Variants in TMEM245 observed in about 807,000 individuals in gnomAD.
TMEM245 encodes transmembrane protein 245, also known as protein CG-2.
TMEM245 carries 69 observed loss-of-function variants against 101.2 expected under a neutral mutation model. The ratio of observed to expected loss-of-function variants is 0.68; its 90% CI spans 0.56 to 0.83. The LOEUF (loss-of-function observed/expected upper bound fraction) is 0.83, where lower values mean the gene tolerates loss of function less well. TMEM245 is among the 40% of genes least tolerant of loss of function. TMEM245 has a pLI of 0.00. For missense variants in TMEM245, 1,075 were observed against 1,092.8 expected (o/e 0.98, Z 0.23); for synonymous variants, 537 against 449.8 (o/e 1.19, Z -2.45).
intron 8 of TMEM245, among the ~76,000 whole-genome samples, chr9:109,075,809 A>G (rs1441552220): frequency 1.3e-5 from 2 of 152,154 alleles, no homozygotes; most frequent in African/African-American, 2.4e-5. Context: ...GAGTTTATTC[A>G]TGTTTTCACT....
At chr9:109,032,980 G>C (rs1409638419) in intron 17 of TMEM245, among the ~76,000 whole-genome samples, 1 of 151,846 alleles carries the variant, frequency 6.6e-6, no homozygotes, top group Non-Finnish European at 1.5e-5. Flanking sequence ...TGTATTTTTA[G>C]TAGAGATGGG....
Position 109,050,454 on chromosome 9 carries a change from T to TA in TMEM245, c.1978-27dup, listed in dbSNP as rs751489477. 151 of 1,612,174 alleles carry TA rather than the reference T, an allele frequency of 9.4e-5. 1 individual carries two copies. In the Middle Eastern group the frequency reaches 1.6e-3, roughly 18 times the overall value. ...CTGCAAAACAAAGGACAACATCTCC[T>TA]AAAAAAATCGTATTTGGAAACTATA... On this transcript the variant is annotated intron_variant, in intron 13 of 17. Coordinates refer to ENST00000374586, the MANE Select transcript of TMEM245 (RefSeq NM_032012.4).
At chr9:109,037,714 C>T (rs562287364) in intron 15 of TMEM245, among the ~76,000 whole-genome samples, 4 of 152,252 alleles carry the variant, frequency 2.6e-5, no homozygotes, top group Admixed American at 6.5e-5. Context: ...CCTGCAGAAC[C>T]GTGAGCCAAT....
chr9:109,035,325 T>C (rs1828087604), intron 16 of TMEM245, among the ~76,000 whole-genome samples: 1 of 152,092 alleles, frequency 6.6e-6, no homozygotes, highest in African/African-American at 2.4e-5. Context: ...ACTATGATGT[T>C]CAGCTTTTTA....
At chr9:109,083,916 A>AAAAAAAAAAAAAAAAAAAC (rs1554725101) in intron 7 of TMEM245, among the ~76,000 whole-genome samples, 5 of 132,584 alleles carry the variant, frequency 3.8e-5, no homozygotes, top group East Asian at 2.5e-4. Context: ...AAAAAAAAAA[A>AAAAAAAAAAAAAAAAAAAC]AAAAAAAAAA....
chr9:109,020,774 A>G (rs1378938937), intron 17 of TMEM245, among the ~76,000 whole-genome samples: 1 of 152,230 alleles, frequency 6.6e-6, no homozygotes, highest in African/African-American at 2.4e-5. Context: ...AGATTTAAGT[A>G]GAAGTGTTGT....
chr9:109,106,406 G>A (rs2132638317), intron 3 of TMEM245, 102 bp downstream of exon 3: 1 of 646,634 alleles, frequency 1.5e-6, no homozygotes. Context: ...ACCATCATAG[G>A]TTTTTAAATA....
At chr9:109,038,302 T>C (rs1828199460) in intron 14 of TMEM245, 185 bp from the exon 15 acceptor site, 1 of 432,596 alleles carries the variant, frequency 2.3e-6, no homozygotes, top group Admixed American at 4.2e-5. Flanking sequence ...TTTACTAAGT[T>C]ATTCTTTATG....
chr9:109,119,463 G>C lies in TMEM245; in HGVS notation c.451C>G (p.Leu151Val). 1 of 1,495,470 alleles carries C rather than the reference G, an allele frequency of 6.7e-7. No homozygotes were observed. Among genetic ancestry groups the C allele is most frequent in the South Asian group, 1.3e-5 (1 of 78,966 alleles). The allele number at this position is 1,495,470 out of a possible 1,614,324, so 92.6% of individuals were successfully genotyped here. Reference sequence around the variant, plus strand: ...AGGAGCGGGCCGCCGGCGCCGAGCAGCAGGAGCAGGCGGCGGCGGCGCAGC... The same window carrying C: ...AGGAGCGGGCCGCCGGCGCCGAGCACCAGGAGCAGGCGGCGGCGGCGCAGC... ...QALRRRRLLL[L>V]LGAGGPLLYG... is the part of the protein sequence containing the mutation. The change falls in exon 1 of 18, where the codon CTG becomes GTG. Residue 151 changes from leucine (L) to valine (V), a missense_variant. Leu to Val is a conservative substitution (Grantham distance 32, BLOSUM62 1). Transcript: ENST00000374586.
Position 109,019,688 on chromosome 9 carries a change from G to C in TMEM245, c.*772C>G, listed in dbSNP as rs1456506681. The C allele has an allele frequency of 6.6e-6, 1 of 152,510 alleles. No individual in the cohort carries two copies. Among genetic ancestry groups the C allele is most frequent in the Non-Finnish European group, 1.5e-5 (1 of 68,028 alleles). 9.4% of individuals were successfully genotyped at this position (152,510 alleles called of 1,614,324 possible). On this transcript the variant is annotated 3_prime_UTR_variant, in exon 18 of 18. Transcript: ENST00000374586. ...CTGAGATTTTTCACTTCAACCACCT[G>C]GAAGGAGAAAACCTAATAACAGCAT...
chr9:109,117,263 C>T (rs1198176214), intron 1 of TMEM245, among the ~76,000 whole-genome samples: 1 of 150,508 alleles, frequency 6.6e-6, no homozygotes, highest in African/African-American at 2.5e-5. Flanking sequence ...GTGCCCACCA[C>T]CACACCCAGC....
intron 12 of TMEM245, among the ~76,000 whole-genome samples, chr9:109,053,856 T>C (rs1306009174): frequency 2.0e-5 from 3 of 152,208 alleles, no homozygotes; most frequent in Non-Finnish European, 4.4e-5. Flanking sequence ...AAAATGTCTC[T>C]CCTGGCAGAA....
rs34086900 is a variant in TMEM245 at position 109,018,900 on chromosome 9, ATTTTTTTTTTT to A, written c.*1549_*1559del. ...ATAGCCACACCACCGTGCCCAGCTAATTTTTTTTTTTTTTTTTTTTTTTTTGTAGAGATGGG... is the reference window on the plus strand; with the variant it reads ...ATAGCCACACCACCGTGCCCAGCTAATTTTTTTTTTTTTTGTAGAGATGGG... On this transcript the variant is annotated 3_prime_UTR_variant, in exon 18 of 18. Transcript: ENST00000374586. The A allele has an allele frequency of 3.8e-5, 3 of 79,924 alleles. No individual in the cohort carries two copies. The highest frequency in any genetic ancestry group is 5.6e-5 in the African/African-American group (1 of 17,950). 5.0% of individuals were successfully genotyped at this position (79,924 alleles called of 1,614,324 possible). A position where few individuals can be genotyped will look rare whatever the true frequency, so the allele number is the denominator to read the frequency against.
chr9:109,119,845 G>A lies in TMEM245; in HGVS notation c.69C>T (p.Val23=), dbSNP rs949893858. 3.7e-6 allele frequency: 5 copies of A among 1,333,748 alleles called. No homozygotes were observed. Among genetic ancestry groups the A allele is most frequent in the African/African-American group, 1.5e-5 (1 of 64,954 alleles). 82.6% of individuals were successfully genotyped at this position (1,333,748 alleles called of 1,614,324 possible). A position where few individuals can be genotyped will look rare whatever the true frequency, so the allele number is the denominator to read the frequency against. ...CGCCACTCGGCCCGACCGCGCGCGGGACCCGCGGCGCCGGCCCGGGAGAGC... is the reference window on the plus strand; with the variant it reads ...CGCCACTCGGCCCGACCGCGCGCGGAACCCGCGGCGCCGGCCCGGGAGAGC... ...LRSSPGPAPR[V]PRAVGPSGGG... The change falls in exon 1 of 18, where the codon GTC becomes GTT. Residue 23 remains valine, a synonymous_variant. Transcript: ENST00000374586.
intron 14 of TMEM245, among the ~76,000 whole-genome samples, chr9:109,045,071 G>T (rs1038026143): frequency 4.6e-5 from 7 of 152,134 alleles, no homozygotes; most frequent in Non-Finnish European, 1.0e-4. Flanking sequence ...CATTTCTTTT[G>T]TTGGGAGCAT....
intron 12 of TMEM245, 139 bp from the exon 13 acceptor site, chr9:109,050,831 TAAAAA>T: frequency 6.3e-6 from 5 of 793,726 alleles, no homozygotes; most frequent in Non-Finnish European, 8.8e-6. Flanking sequence ...AAATGAAAAT[TAAAAA>T]AAAAAAGAAA....
In TMEM245 at chr9:109,090,991, A is replaced by G; in HGVS notation, c.1081T>C (p.Trp361Arg). Reference protein sequence around the residue: ...TSDIYFVSLVWAIVVMQIWLN... With the variant: ...TSDIYFVSLVRAIVVMQIWLN... ...CAGATCTGCATGACGACAATGGCCC[A>G]AACTAGAGACACAAAGTAGATGTCA... The change falls in exon 5 of 18, where the codon TGG becomes CGG. Residue 361 changes from tryptophan (W) to arginine (R), a missense_variant. Trp to Arg is a moderately radical substitution (Grantham distance 101, BLOSUM62 -3). Transcript: ENST00000374586. 1 of 1,614,186 alleles carries G rather than the reference A, an allele frequency of 6.2e-7. No homozygotes were observed. Among genetic ancestry groups the G allele is most frequent in the Non-Finnish European group, 8.5e-7 (1 of 1,180,030 alleles).
chr9:109,041,288 C>T (rs1390777423), intron 14 of TMEM245, among the ~76,000 whole-genome samples: 2 of 151,934 alleles, frequency 1.3e-5, no homozygotes, highest in Non-Finnish European at 2.9e-5. Context: ...ATTCAGCCCC[C>T]CCAAAAGAAG....
intron 14 of TMEM245, among the ~76,000 whole-genome samples, chr9:109,046,953 A>T (rs1351338032): frequency 6.6e-6 from 1 of 152,178 alleles, no homozygotes; most frequent in Non-Finnish European, 1.5e-5. Context: ...AAATCTGTAC[A>T]TTTTAAGTCT....
Sources: gnomAD v4.1 joint callset for allele counts (sites outside exome capture counted in the v4.1 genomes callset) on GRCh38, gnomAD v4.1.1 for gene constraint, MANE v1.5 for transcripts, NCBI Gene and HGNC (gene_info 2026-07-23, HGNC 2026-07-21) for gene names.